The following RBFOX1 variants were observed in gnomAD, a reference collection of about 807,000 sequenced individuals.
RBFOX1 encodes the protein RNA binding fox-1 homolog 1.
RBFOX1 carries 8 observed loss-of-function variants against 57.7 expected under a neutral mutation model. The observed-to-expected ratio is 0.14, with a 90% CI of 0.08 to 0.25. The LOEUF (loss-of-function observed/expected upper bound fraction) is 0.25. Ranked by LOEUF, RBFOX1 falls within the 10% of genes least tolerant of loss-of-function variation. RBFOX1 has a pLI of 1.00. For missense variants in RBFOX1, 611 were observed against 548.5 expected (o/e 1.11, Z -1.14); for synonymous variants, 326 against 222.4 (o/e 1.47, Z -4.15).
At position 5,399,555 on chromosome 16, in the gene RBFOX1, A is replaced by T. The variant is rs561587095; in HGVS notation, c.220-67661A>T. Among the ~76,000 whole-genome samples the T allele has an allele frequency of 1.1e-4, 16 of 152,092 alleles. No individual in the cohort carries two copies. In the South Asian group the frequency reaches 2.9e-3, roughly 28 times the overall value. ...TTGGATCAATGCCATCCTGGGAAAC[A>T]TGGCAAGACCCTGCAAAAAATCCAA... is the stretch of plus-strand genomic sequence containing the variant. On this transcript the variant is annotated intron_variant, in intron 1 of 2. Coordinates refer to the RBFOX1 transcript ENST00000585867.
intron 4 of RBFOX1, among the ~76,000 whole-genome samples, chr16:7,390,380 A>C (rs2097981173): frequency 6.6e-6 from 1 of 152,196 alleles, no homozygotes; most frequent in Non-Finnish European, 1.5e-5. Context: ...ACCCAAACTC[A>C]TGTTCTTAAC....
intron 4 of RBFOX1, among the ~76,000 whole-genome samples, chr16:5,923,899 T>C (rs2058888298): frequency 6.6e-6 from 1 of 152,186 alleles, no homozygotes; most frequent in African/African-American, 2.4e-5. Context: ...CTTAGAGACC[T>C]TCCTGGCTTT....
At chr16:6,082,124 A>G (rs2096010283) in intron 1 of RBFOX1, among the ~76,000 whole-genome samples, 4 of 151,540 alleles carry the variant, frequency 2.6e-5, no homozygotes. Flanking sequence ...TGTGGGAACC[A>G]ATGAGAAATT....
At chr16:6,945,331 G>C (rs564396203) in intron 3 of RBFOX1, among the ~76,000 whole-genome samples, 1 of 152,138 alleles carries the variant, frequency 6.6e-6, no homozygotes, top group Non-Finnish European at 1.5e-5. Context: ...TGCTTACCTA[G>C]GGCCAGACAG....
chr16:7,045,990 A>T (rs116803414), intron 3 of RBFOX1, among the ~76,000 whole-genome samples: 1 of 152,160 alleles, frequency 6.6e-6, no homozygotes, highest in Middle Eastern at 3.2e-3. Flanking sequence ...ACGAAAATCA[A>T]TGCTATCACT....
intron 4 of RBFOX1, among the ~76,000 whole-genome samples, chr16:5,900,997 T>G (rs1394112055): frequency 1.3e-5 from 2 of 152,212 alleles, no homozygotes; most frequent in Non-Finnish European, 2.9e-5. Context: ...AGCACTGTCC[T>G]TTCAGTCTGC....
intron 2 of RBFOX1, among the ~76,000 whole-genome samples, chr16:6,652,318 C>T (rs536096972): frequency 2.4e-4 from 36 of 152,112 alleles, no homozygotes; most frequent in Admixed American, 3.9e-4. Flanking sequence ...GGTTGTGGTG[C>T]ATGTCGGTAG....
intron 1 of RBFOX1, among the ~76,000 whole-genome samples, chr16:5,382,651 C>A (rs1239810732): frequency 6.6e-6 from 1 of 152,166 alleles, no homozygotes; most frequent in Non-Finnish European, 1.5e-5. Context: ...ACTAAAGCTG[C>A]CTGAACAGCT....
At chr16:5,843,585 T>C (rs1301442605) in intron 3 of RBFOX1, among the ~76,000 whole-genome samples, 2 of 152,224 alleles carry the variant, frequency 1.3e-5, no homozygotes, top group Non-Finnish European at 2.9e-5. Flanking sequence ...ATGTCTTTGT[T>C]ACTGCACATC....
intron 3 of RBFOX1, among the ~76,000 whole-genome samples, chr16:5,775,733 G>C (rs546625922): frequency 1.3e-5 from 2 of 152,326 alleles, no homozygotes; most frequent in Admixed American, 1.3e-4. Context: ...TAACTTGTTG[G>C]AAGCATGGAA....
intron 7 of RBFOX1, among the ~76,000 whole-genome samples, chr16:7,588,680 A>G (rs2094267525): frequency 6.6e-6 from 1 of 152,170 alleles, no homozygotes; most frequent in Admixed American, 6.6e-5. Context: ...AGGGTCAGTA[A>G]GCGGTGCTGG....
chr16:6,539,409 G>C (rs7196264), intron 2 of RBFOX1, among the ~76,000 whole-genome samples: 150,202 of 152,312 alleles, frequency 0.99, 74,102 homozygotes, highest in Middle Eastern at 1. Flanking sequence ...CCACATCAAC[G>C]CTGGCTGTTA....
chr16:6,045,423 A>G (rs746610360), intron 1 of RBFOX1, among the ~76,000 whole-genome samples: 12 of 152,202 alleles, frequency 7.9e-5, no homozygotes, highest in Admixed American at 6.5e-5. Context: ...TTACAGACTC[A>G]GTGGGGTCTT....
chr16:5,949,235 G>A (rs2059468006), intron 4 of RBFOX1, among the ~76,000 whole-genome samples: 1 of 152,120 alleles, frequency 6.6e-6, no homozygotes, highest in Non-Finnish European at 1.5e-5. Flanking sequence ...CCTCACAGCT[G>A]TCCCAGAAGT....
chr16:7,251,816 A>C (rs1324855115), intron 4 of RBFOX1, among the ~76,000 whole-genome samples: 2 of 152,150 alleles, frequency 1.3e-5, no homozygotes, highest in Non-Finnish European at 2.9e-5. Context: ...ATATCCCTTC[A>C]AAATACTGAT....
intron 2 of RBFOX1, among the ~76,000 whole-genome samples, chr16:5,539,779 A>C (rs1368311919): frequency 6.6e-6 from 1 of 152,198 alleles, no homozygotes; most frequent in Non-Finnish European, 1.5e-5. Context: ...AATTCTGCTT[A>C]GATGCCTATT....
At chr16:5,323,118 T>C (rs1300633199) in intron 1 of RBFOX1, among the ~76,000 whole-genome samples, 1 of 152,206 alleles carries the variant, frequency 6.6e-6, no homozygotes, top group Non-Finnish European at 1.5e-5. Flanking sequence ...GATCAAGTGA[T>C]TTAATGCTTT....
intron 3 of RBFOX1, among the ~76,000 whole-genome samples, chr16:5,659,616 T>A (rs1005493065): frequency 2.0e-5 from 3 of 152,174 alleles, no homozygotes; most frequent in Non-Finnish European, 4.4e-5. Flanking sequence ...GTATATCTTT[T>A]TTTGAAAATT....
chr16:6,870,348 T>C lies in RBFOX1; in HGVS notation c.-15-181709T>C, dbSNP rs146785312. On this transcript the variant is annotated intron_variant, in intron 3 of 15. Transcript: ENST00000550418. ...ACTGCTAGGAAACAGAAATCTGATA[T>C]TCCAAGATGCTCCTATTGGATTTTC... 5.8e-3 allele frequency among the ~76,000 whole-genome samples: 883 copies of C among 152,298 alleles called. 14 individuals carry two copies. The highest frequency in any genetic ancestry group is 0.02 in the African/African-American group (835 of 41,558).
Sources: allele counts gnomAD v4.1 joint callset (sites outside exome capture counted in the v4.1 genomes callset), GRCh38; gene constraint gnomAD v4.1.1; transcripts MANE v1.5; gene names NCBI Gene and HGNC (gene_info 2026-07-23, HGNC 2026-07-21).